EYS: variants seen among roughly 807,000 people sequenced by gnomAD.
The protein encoded by EYS is EGF-like photoreceptor maintenance factor, also known as protein eyes shut homolog.
EYS carries 250 observed loss-of-function variants against 282.1 expected under a neutral mutation model. The ratio of observed to expected loss-of-function variants is 0.89; its 90% CI spans 0.80 to 0.98. EYS has a LOEUF of 0.98. Among genes scored for constraint, EYS ranks in the 50% least tolerant of loss-of-function variants. EYS has a pLI of 0.00. For missense variants in EYS, 4,016 were observed against 3,709.0 expected (o/e 1.08, Z -2.15); for synonymous variants, 1,355 against 1,282.9 (o/e 1.06, Z -1.20).
At chr6:64,314,450 C>T (rs1170563327) in intron 29 of EYS, among the ~76,000 whole-genome samples, 1 of 152,062 alleles carries the variant, frequency 6.6e-6, no homozygotes, top group Non-Finnish European at 1.5e-5. Flanking sequence ...CTTTAACACG[C>T]CACTGTCAAT....
At chr6:65,690,157 C>T (rs1362187279) in intron 1 of EYS, among the ~76,000 whole-genome samples, 2 of 150,052 alleles carry the variant, frequency 1.3e-5, no homozygotes, top group Non-Finnish European at 3.0e-5. Context: ...TAATTTCTAA[C>T]AGAGCCTTAA....
chr6:65,475,748 G>C (rs1460558056), intron 5 of EYS, among the ~76,000 whole-genome samples: 36 of 121,602 alleles, frequency 3.0e-4, no homozygotes, highest in African/African-American at 9.7e-4. Flanking sequence ...CAGACAGACA[G>C]ACAGACAGAC....
Position 64,912,669 on chromosome 6 carries a change from A to G in EYS, c.2456T>C (p.Met819Thr). 3 of 1,545,638 alleles carry G rather than the reference A, an allele frequency of 1.9e-6. No individual in the cohort carries two copies. Among genetic ancestry groups the G allele is most frequent in the Non-Finnish European group, 2.6e-6 (3 of 1,142,640 alleles). ...EINECDSDPC[M>T]NGGLCHESTI... The stretch of plus-strand genomic sequence containing the variant: ...AGATTCATGACAAAGACCTCCATTC[A>G]TGCATGGATCAGAGTCGCATTCATT... The change falls in exon 16 of 43, where the codon ATG becomes ACG. Residue 819 changes from methionine to threonine, a missense_variant. Met to Thr is a moderately conservative substitution (Grantham distance 81). Coordinates refer to ENST00000503581, the MANE Select transcript of EYS (RefSeq NM_001142800.2).
intron 2 of EYS, among the ~76,000 whole-genome samples, chr6:65,526,174 G>T (rs1582415648): frequency 6.6e-6 from 1 of 151,942 alleles, no homozygotes; most frequent in Non-Finnish European, 1.5e-5. Context: ...TCCCGTTATG[G>T]GCCTCATTCT....
intron 8 of EYS, among the ~76,000 whole-genome samples, chr6:65,364,192 T>C (rs868007468): frequency 1.3e-5 from 2 of 151,034 alleles, no homozygotes; most frequent in African/African-American, 2.4e-5. Context: ...TTTTTGAAAC[T>C]GTAGGGTAAT....
intron 13 of EYS, among the ~76,000 whole-genome samples, chr6:65,051,751 T>A (rs1156681605): frequency 6.6e-6 from 1 of 151,514 alleles, no homozygotes; most frequent in East Asian, 1.9e-4. Context: ...AAATACCGCA[T>A]GATCCCACTT....
intron 30 of EYS, among the ~76,000 whole-genome samples, chr6:64,243,090 T>C (rs1483740381): frequency 6.7e-6 from 1 of 148,646 alleles, no homozygotes. Context: ...TTTACATATA[T>C]GTAATATTTT....
chr6:64,690,214 A>G (rs4448070), intron 22 of EYS, among the ~76,000 whole-genome samples: 118,091 of 151,868 alleles, frequency 0.78, 46,730 homozygotes, highest in Non-Finnish European at 0.86. Context: ...GCAGCCAACA[A>G]ACACATGAAA....
At chr6:64,395,984 A>G (rs1056880075) in intron 28 of EYS, among the ~76,000 whole-genome samples, 2 of 151,960 alleles carry the variant, frequency 1.3e-5, no homozygotes, top group Admixed American at 1.3e-4. Flanking sequence ...TTGTGAACAT[A>G]GTCAAGTAAC....
intron 8 of EYS, among the ~76,000 whole-genome samples, chr6:65,359,824 C>T (rs1407644885): frequency 6.6e-6 from 1 of 151,866 alleles, no homozygotes; most frequent in Non-Finnish European, 1.5e-5. Context: ...AGCATTAACT[C>T]ATTCTATTCA....
Position 64,715,819 on chromosome 6 carries a change from G to T in EYS, c.3444-89574C>A, listed in dbSNP as rs191950101. On this transcript the variant is annotated intron_variant, in intron 22 of 42. Transcript: ENST00000503581. The stretch of plus-strand genomic sequence containing the variant: ...GGAACAGTTATCATTTGCCCCTGAC[G>T]TCACAGCTTGAATTCGTTGAGCAGG... Among the ~76,000 whole-genome samples the T allele has an allele frequency of 2.0e-5, 3 of 152,262 alleles. No individual in the cohort carries two copies. In the South Asian group the frequency reaches 6.2e-4, roughly 32 times the overall value.
intron 13 of EYS, among the ~76,000 whole-genome samples, chr6:65,043,143 C>A (rs527826784): frequency 6.6e-6 from 1 of 151,320 alleles, no homozygotes; most frequent in African/African-American, 2.4e-5. Context: ...TTTTGATATA[C>A]GTATACAAAG....
At chr6:65,372,781 A>T (rs1199045067) in intron 8 of EYS, among the ~76,000 whole-genome samples, 1 of 152,046 alleles carries the variant, frequency 6.6e-6, no homozygotes, top group Non-Finnish European at 1.5e-5. Flanking sequence ...TTATAAAGAA[A>T]ATGAATTGAA....
intron 14 of EYS, among the ~76,000 whole-genome samples, chr6:64,989,966 C>A (rs1361759520): frequency 6.6e-6 from 1 of 151,052 alleles, no homozygotes; most frequent in Non-Finnish European, 1.5e-5. Flanking sequence ...CAGAGATACA[C>A]ATATTCTCTA....
intron 5 of EYS, among the ~76,000 whole-genome samples, chr6:65,472,218 G>T (rs914502200): frequency 2.0e-4 from 31 of 152,062 alleles, no homozygotes; most frequent in Admixed American, 2.6e-4. Context: ...TGTTGAAGAT[G>T]AAATGTAATT....
chr6:65,277,097 A>C (rs1015848305), intron 12 of EYS, among the ~76,000 whole-genome samples: 1 of 152,136 alleles, frequency 6.6e-6, no homozygotes, highest in Non-Finnish European at 1.5e-5. Flanking sequence ...ACTATTAGAC[A>C]TAAGAAGGTG....
At position 64,004,942 on chromosome 6, in the gene EYS, T is replaced by G. The variant is rs559711969; in HGVS notation, c.6726-5759A>C. Among the ~76,000 whole-genome samples, 14 of 152,364 alleles carry G rather than the reference T, an allele frequency of 9.2e-5. 1 individual carries two copies. The South Asian group carries it at 2.9e-3, about 32-fold the overall frequency. On this transcript the variant is annotated intron_variant, in intron 33 of 42. Coordinates refer to ENST00000503581, the MANE Select transcript of EYS (RefSeq NM_001142800.2). ...ATGAACATATGGGTGCATATGTCTT[T>G]TTGGCAGAACAATCTATATGCCTTT...
intron 12 of EYS, among the ~76,000 whole-genome samples, chr6:65,281,035 C>CA (rs35633005): frequency 0.55 from 56,357 of 101,782 alleles, 15,905 homozygotes; most frequent in East Asian, 0.81. Context: ...GATGCCATCT[C>CA]AAAAAAAAAA....
chr6:65,599,266 C>T (rs1158792318), intron 2 of EYS, among the ~76,000 whole-genome samples: 1 of 152,010 alleles, frequency 6.6e-6, no homozygotes, highest in Admixed American at 6.6e-5. Flanking sequence ...CTAGTTCAAA[C>T]CATGTTGTTC....
Sources: gnomAD v4.1 joint callset for allele counts (sites outside exome capture counted in the v4.1 genomes callset) on GRCh38, gnomAD v4.1.1 for gene constraint, MANE v1.5 for transcripts, NCBI Gene and HGNC (gene_info 2026-07-23, HGNC 2026-07-21) for gene names.